GRIK2: variants seen among roughly 807,000 people sequenced by gnomAD.
The protein encoded by GRIK2 is glutamate receptor ionotropic, kainate 2.
A neutral mutation model predicts 100.3 loss-of-function variants in GRIK2; 32 were observed. That is an observed-to-expected ratio of 0.32 (90% CI 0.24 to 0.43). The LOEUF is 0.43. GRIK2 is among the 20% of genes least tolerant of loss of function. The pLI, the probability that GRIK2 is intolerant of heterozygous loss-of-function variation, is 1.00. For synonymous variants in GRIK2, 417 were observed against 389.4 expected, an observed-to-expected ratio of 1.07 and a Z score of -0.83; for missense variants, 843 against 1,114.9, an observed-to-expected ratio of 0.76 and a Z score of 3.47.
In GRIK2 at chr6:101,889,856, A is replaced by G. The variant is rs1554281005; in HGVS notation, c.1741A>G (p.Ile581Val). Reference protein sequence around the residue: ...YLGVSCVLFVIARFSPYEWYN... With the variant: ...YLGVSCVLFVVARFSPYEWYN... ...GGGTGTCAGTTGTGTGCTCTTTGTC[A>G]TAGCCAGGTAACATGCTCACTTTTG... is the stretch of plus-strand genomic sequence containing the variant. Residue 581 changes from isoleucine to valine, a missense_variant, in exon 12 of 17, where the codon ATA becomes GTA. Transcript: ENST00000369134. The G allele has an allele frequency of 1.0e-5, 16 of 1,598,174 alleles. No individual in the cohort carries two copies. The highest frequency in any genetic ancestry group is 2.2e-5 in the East Asian group (1 of 44,778).
At chr6:101,572,815 A>AT (rs1554221725) in intron 2 of GRIK2, among the ~76,000 whole-genome samples, 118 of 109,850 alleles carry the variant, frequency 1.1e-3, no homozygotes, top group Middle Eastern at 4.3e-3. Context: ...ATTGTTGTTT[A>AT]TTATTTATTT....
chr6:101,394,552 A>G (rs1444037494), intron 1 of GRIK2, among the ~76,000 whole-genome samples: 1 of 152,218 alleles, frequency 6.6e-6, no homozygotes, highest in Non-Finnish European at 1.5e-5. Flanking sequence ...CCTTTTGGTA[A>G]TGCACAGATT....
At chr6:102,021,052 G>T (rs1203169635) in intron 14 of GRIK2, among the ~76,000 whole-genome samples, 1 of 151,700 alleles carries the variant, frequency 6.6e-6, no homozygotes, top group Non-Finnish European at 1.5e-5. Context: ...CACTCATATG[G>T]GAAGTAAAGA....
chr6:101,556,321 A>ATGTTTTTTTTTTTTTTTTTTTTTT (rs1776736211), intron 2 of GRIK2, among the ~76,000 whole-genome samples: 1 of 59,396 alleles, frequency 1.7e-5, no homozygotes, highest in African/African-American at 5.6e-5. Flanking sequence ...TATATTGGTA[A>ATGTTTTTTTTTTTTTTTTTTTTTT]TTTTTTTTTT....
chr6:101,639,846 A>T (rs1371438933), intron 4 of GRIK2, among the ~76,000 whole-genome samples: 1 of 152,202 alleles, frequency 6.6e-6, no homozygotes, highest in Non-Finnish European at 1.5e-5. Flanking sequence ...AGTATCCACT[A>T]GGATAGTATT....
intron 15 of GRIK2, among the ~76,000 whole-genome samples, chr6:102,044,622 T>C (rs533764607): frequency 1.2e-3 from 177 of 152,110 alleles, no homozygotes; most frequent in African/African-American, 4.1e-3. Flanking sequence ...CATGATTCAA[T>C]TGTCTCCCAC....
chr6:102,005,863 G>A (rs1000555267), intron 14 of GRIK2, among the ~76,000 whole-genome samples: 3 of 152,028 alleles, frequency 2.0e-5, no homozygotes, highest in African/African-American at 7.2e-5. Context: ...TCAAGGTGCT[G>A]ACAGGGTTGG....
At chr6:102,013,205 G>A (rs1427050814) in intron 14 of GRIK2, among the ~76,000 whole-genome samples, 1 of 152,096 alleles carries the variant, frequency 6.6e-6, no homozygotes, top group Admixed American at 6.5e-5. Flanking sequence ...AGTTGTGAAT[G>A]GGATTGCATT....
chr6:101,829,651 T>TA (rs1782552493), intron 10 of GRIK2, among the ~76,000 whole-genome samples: 1 of 151,542 alleles, frequency 6.6e-6, no homozygotes, highest in Non-Finnish European at 1.5e-5. Flanking sequence ...ACAATAGCCA[T>TA]AAAAATATAA....
At chr6:102,002,782 C>T (rs1205538967) in intron 14 of GRIK2, among the ~76,000 whole-genome samples, 1 of 150,652 alleles carries the variant, frequency 6.6e-6, no homozygotes, top group Non-Finnish European at 1.5e-5. Flanking sequence ...CACCTATTAT[C>T]ACAGATGTAT....
intron 2 of GRIK2, among the ~76,000 whole-genome samples, chr6:101,451,696 G>A (rs1218113917): frequency 7.6e-5 from 1 of 13,144 alleles, no homozygotes; most frequent in Admixed American, 7.4e-4. Flanking sequence ...TTATCTCTGA[G>A]GGGGGGGGGG....
At chr6:102,019,120 C>T (rs567733762) in intron 14 of GRIK2, among the ~76,000 whole-genome samples, 2 of 152,062 alleles carry the variant, frequency 1.3e-5, no homozygotes, top group African/African-American at 4.8e-5. Flanking sequence ...GTTATGCTAG[C>T]AGTTCTGCTT....
At chr6:101,979,209 G>GAAA in intron 14 of GRIK2, among the ~76,000 whole-genome samples, 1 of 151,906 alleles carries the variant, frequency 6.6e-6, no homozygotes, top group South Asian at 2.1e-4. Flanking sequence ...TCAGAGAGTG[G>GAAA]ACTACAGGAA....
At chr6:101,578,905 A>T (rs2128301972) in intron 2 of GRIK2, among the ~76,000 whole-genome samples, 1 of 152,304 alleles carries the variant, frequency 6.6e-6, no homozygotes, top group African/African-American at 2.4e-5. Context: ...GCAATTCTGA[A>T]GCCTGATCAT....
intron 12 of GRIK2, among the ~76,000 whole-genome samples, chr6:101,913,893 T>C (rs1435678843): frequency 6.6e-6 from 1 of 151,472 alleles, no homozygotes; most frequent in African/African-American, 2.4e-5. Context: ...TTCTAAAGCC[T>C]TGAATATTGG....
At chr6:101,394,423 T>C (rs1774922193) in intron 1 of GRIK2, among the ~76,000 whole-genome samples, 1 of 152,210 alleles carries the variant, frequency 6.6e-6, no homozygotes, top group Non-Finnish European at 1.5e-5. Context: ...CATCCTCTGA[T>C]ATTTTTACCT....
intron 4 of GRIK2, among the ~76,000 whole-genome samples, chr6:101,646,693 G>T (rs1582886649): frequency 6.6e-6 from 1 of 151,904 alleles, no homozygotes; most frequent in East Asian, 1.9e-4. Context: ...ACAGGCAATT[G>T]GGCATTACTT....
At chr6:101,800,366 G>T (rs985142382) in intron 8 of GRIK2, among the ~76,000 whole-genome samples, 1 of 151,654 alleles carries the variant, frequency 6.6e-6, no homozygotes, top group East Asian at 1.9e-4. Flanking sequence ...AGTTTTTGAA[G>T]ATCATACATA....
At chr6:101,421,896 A>C (rs1275365074) in intron 2 of GRIK2, among the ~76,000 whole-genome samples, 1 of 152,206 alleles carries the variant, frequency 6.6e-6, no homozygotes, top group African/African-American at 2.4e-5. Context: ...TTAGAAAATA[A>C]TTTGATGGAA....
Sources: allele counts gnomAD v4.1 joint callset (sites outside exome capture counted in the v4.1 genomes callset), GRCh38; gene constraint gnomAD v4.1.1; transcripts MANE v1.5; gene names NCBI Gene and HGNC (gene_info 2026-07-23, HGNC 2026-07-21).